The following PARN variants were observed in gnomAD, a reference collection of about 807,000 sequenced individuals.
PARN encodes the protein poly(A)-specific ribonuclease PARN.
PARN carries 71 observed loss-of-function variants against 102.8 expected under a neutral mutation model. The observed-to-expected ratio is 0.69, with a 90% CI of 0.57 to 0.84. PARN has a LOEUF of 0.84. Ranked by LOEUF, PARN falls within the 40% of genes least tolerant of loss-of-function variation. The pLI is 0.00. For missense variants in PARN, 782 were observed against 760.9 expected (o/e 1.03, Z -0.33); for synonymous variants, 261 against 252.9 (o/e 1.03, Z -0.30).
chr16:14,506,618 T>C (rs966658148), intron 21 of PARN, among the ~76,000 whole-genome samples: 29 of 152,212 alleles, frequency 1.9e-4, no homozygotes, highest in African/African-American at 7.0e-4. Context: ...TGTGTATATA[T>C]GTGTGTGTCT....
chr16:14,451,869 CAAAAAAAAA>C (rs869041563), intron 22 of PARN, among the ~76,000 whole-genome samples: 28 of 52,498 alleles, frequency 5.3e-4, no homozygotes, highest in Admixed American at 1.4e-3. Flanking sequence ...AAAAAAAATA[CAAAAAAAAA>C]AAAAAAAAAA....
intron 21 of PARN, among the ~76,000 whole-genome samples, chr16:14,520,428 T>C (rs1429037830): frequency 6.6e-6 from 1 of 152,114 alleles, no homozygotes; most frequent in African/African-American, 2.4e-5. Flanking sequence ...GTACCTATGT[T>C]TAAAAAAATA....
At chr16:14,536,635 A>C (rs1966620015) in intron 21 of PARN, among the ~76,000 whole-genome samples, 1 of 152,216 alleles carries the variant, frequency 6.6e-6, no homozygotes, top group Non-Finnish European at 1.5e-5. Context: ...CTCAAATATT[A>C]ATCTGCAATT....
intron 21 of PARN, 46 bp from the exon 22 acceptor site, chr16:14,482,873 C>T (rs1341986178): frequency 6.7e-7 from 1 of 1,487,464 alleles, no homozygotes. Context: ...AAAGTCTGGC[C>T]TAGCCCCAAA....
intron 22 of PARN, among the ~76,000 whole-genome samples, chr16:14,464,666 G>A (rs1005249687): frequency 1.3e-5 from 2 of 152,134 alleles, no homozygotes; most frequent in African/African-American, 4.8e-5. Flanking sequence ...TGAGGCAAGG[G>A]AATTGCTTGA....
At chr16:14,443,370 C>T (rs1313230305) in intron 23 of PARN, among the ~76,000 whole-genome samples, 21 of 141,824 alleles carry the variant, frequency 1.5e-4, no homozygotes, top group Admixed American at 4.3e-4. Context: ...GACAGAGTTT[C>T]GCTCTTGTAA....
At position 14,507,320 on chromosome 16, in the gene PARN, C is replaced by T. The variant is rs546405747; in HGVS notation, c.1481-24493G>A. On this transcript the variant is annotated intron_variant, in intron 21 of 23. Coordinates refer to ENST00000437198, the MANE Select transcript of PARN (RefSeq NM_002582.4). Reference sequence around the variant, plus strand: ...CAGCATGGGCAACAAGAGGGAAATTCGGTCTCAAAAAAAAAAAAGAAGAAA... The same window carrying T: ...CAGCATGGGCAACAAGAGGGAAATTTGGTCTCAAAAAAAAAAAAGAAGAAA... Among the ~76,000 whole-genome samples the T allele has an allele frequency of 9.4e-5, 14 of 148,994 alleles. No individual in the cohort carries two copies. The South Asian group carries it at 2.8e-3, about 29-fold the overall frequency.
intron 12 of PARN, among the ~76,000 whole-genome samples, chr16:14,598,747 G>T (rs954979064): frequency 1.3e-5 from 2 of 152,154 alleles, no homozygotes; most frequent in African/African-American, 2.4e-5. Flanking sequence ...TGTTTATCCC[G>T]GAATGAGGAC....
intron 18 of PARN, among the ~76,000 whole-genome samples, chr16:14,572,344 CT>C (rs905133397): frequency 4.5e-4 from 66 of 146,048 alleles, no homozygotes; most frequent in Admixed American, 6.8e-4. Context: ...GAAATCTTTT[CT>C]TTTTTTTTTT....
chr16:14,606,845 G>A (rs1028460876), intron 9 of PARN, among the ~76,000 whole-genome samples: 2 of 150,426 alleles, frequency 1.3e-5, no homozygotes, highest in Non-Finnish European at 3.0e-5. Context: ...GCAGTGGCGC[G>A]ATCTCGGCTC....
chr16:14,592,824 G>A (rs1485139110), intron 13 of PARN, among the ~76,000 whole-genome samples: 3 of 152,190 alleles, frequency 2.0e-5, no homozygotes, highest in Admixed American at 6.5e-5. Flanking sequence ...GGCAATGGCA[G>A]TGACTGAAGA....
intron 2 of PARN, among the ~76,000 whole-genome samples, 151 bp from the exon 3 acceptor site, chr16:14,628,402 T>C (rs916194611): frequency 1.3e-5 from 2 of 152,196 alleles, no homozygotes; most frequent in African/African-American, 4.8e-5. Context: ...AAGCATTAAT[T>C]TCAGTGGCCA....
chr16:14,461,045 T>G (rs1961936631), intron 22 of PARN, among the ~76,000 whole-genome samples: 1 of 152,202 alleles, frequency 6.6e-6, no homozygotes, highest in Non-Finnish European at 1.5e-5. Flanking sequence ...GGATGGCACT[T>G]CATCACGGGT....
intron 23 of PARN, among the ~76,000 whole-genome samples, chr16:14,438,446 G>T (rs994186884): frequency 6.6e-6 from 1 of 150,542 alleles, no homozygotes; most frequent in East Asian, 1.9e-4. Context: ...TTAGTTGGGG[G>T]GGGGGGTGTG....
At chr16:14,507,368 A>C (rs1964950614) in intron 21 of PARN, among the ~76,000 whole-genome samples, 1 of 151,482 alleles carries the variant, frequency 6.6e-6, no homozygotes. Flanking sequence ...AACTTTGTTG[A>C]AACCAGCTCT....
At chr16:14,546,691 A>G (rs1013913802) in intron 21 of PARN, among the ~76,000 whole-genome samples, 2 of 152,248 alleles carry the variant, frequency 1.3e-5, no homozygotes, top group Non-Finnish European at 2.9e-5. Flanking sequence ...TATTGAGAGT[A>G]TGGCTAGAAA....
intron 5 of PARN, among the ~76,000 whole-genome samples, chr16:14,623,815 C>T (rs117106906): frequency 0.029 from 4,280 of 148,948 alleles, 88 homozygotes; most frequent in Non-Finnish European, 0.041. Flanking sequence ...CCAGCCTGGG[C>T]GACAGTGTAA....
chr16:14,578,984 C>CT (rs1178188171), intron 18 of PARN, among the ~76,000 whole-genome samples: 3 of 151,610 alleles, frequency 2.0e-5, no homozygotes, highest in African/African-American at 4.8e-5. Flanking sequence ...TCTCAGCTAG[C>CT]TTTTTTTTCT....
At chr16:14,475,286 T>A (rs1041086457) in intron 22 of PARN, among the ~76,000 whole-genome samples, 6 of 152,218 alleles carry the variant, frequency 3.9e-5, no homozygotes, top group Non-Finnish European at 8.8e-5. Flanking sequence ...ATAGCACCTA[T>A]CTTTCAGGAA....
Sources: allele counts gnomAD v4.1 joint callset (sites outside exome capture counted in the v4.1 genomes callset), GRCh38; gene constraint gnomAD v4.1.1; transcripts MANE v1.5; gene names NCBI Gene and HGNC (gene_info 2026-07-23, HGNC 2026-07-21).